The following LSAMP variants were observed in gnomAD, a reference collection of about 807,000 sequenced individuals.
LSAMP encodes limbic system-associated membrane protein.
Under a neutral mutation model 38.6 loss-of-function variants are expected in LSAMP, and 7 were observed. The observed-to-expected ratio is 0.18, with a 90% CI of 0.10 to 0.34. The LOEUF (loss-of-function observed/expected upper bound fraction) is 0.34, where lower values mean the gene tolerates loss of function less well. LSAMP is among the 10% of genes least tolerant of loss of function. LSAMP has a pLI of 1.00. For missense variants in LSAMP, 313 were observed against 420.0 expected, an observed-to-expected ratio of 0.75 and a Z score of 2.23; for synonymous variants, 154 against 166.8, an observed-to-expected ratio of 0.92 and a Z score of 0.59.
intron 3 of LSAMP, among the ~76,000 whole-genome samples, chr3:115,892,377 AAAC>A (rs1465640581): frequency 2.0e-5 from 3 of 152,042 alleles, no homozygotes; most frequent in African/African-American, 4.8e-5. Context: ...AATAGACTCT[AAAC>A]ATTGTGGTAT....
intron 1 of LSAMP, among the ~76,000 whole-genome samples, chr3:116,302,389 T>A (rs2047422099): frequency 6.6e-6 from 1 of 152,182 alleles, no homozygotes; most frequent in African/African-American, 2.4e-5. Context: ...TCTAAGCCCA[T>A]AAATTGTTGT....
In LSAMP at chr3:115,806,540, G is replaced by A. The variant is rs916270114; in HGVS notation, c.*3777C>T. The A allele has an allele frequency of 2.0e-5, 3 of 152,200 alleles. No individual in the cohort carries two copies. Among genetic ancestry groups the A allele is most frequent in the Admixed American group, 2.0e-4 (3 of 15,270 alleles). 9.4% of individuals were successfully genotyped at this position (152,200 alleles called of 1,614,324 possible). A position where few individuals can be genotyped will look rare whatever the true frequency, so the allele number is the denominator to read the frequency against. On this transcript the variant is annotated 3_prime_UTR_variant, in exon 7 of 7. Transcript: ENST00000490035. ...AGGAGTTTAGCTTTTGTGTGCAAAG[G>A]AGGTAAGTCCATTTTTGGAGGAGAA...
intron 3 of LSAMP, among the ~76,000 whole-genome samples, chr3:115,885,302 G>T (rs1936424384): frequency 6.6e-6 from 1 of 151,876 alleles, no homozygotes; most frequent in Admixed American, 6.6e-5. Flanking sequence ...TTGTGTTAAA[G>T]AATTTTAAGA....
At chr3:116,313,352 T>C (rs1028359067) in intron 1 of LSAMP, among the ~76,000 whole-genome samples, 13 of 152,170 alleles carry the variant, frequency 8.5e-5, no homozygotes, top group Non-Finnish European at 5.9e-5. Context: ...ACATTAGCAA[T>C]ACAGAGTGAC....
chr3:116,061,925 T>C (rs1295002381), intron 2 of LSAMP, among the ~76,000 whole-genome samples: 14 of 152,240 alleles, frequency 9.2e-5, no homozygotes, highest in Admixed American at 9.2e-4. Flanking sequence ...TCTATTTTAT[T>C]TGTTCTTCTT....
chr3:115,857,609 G>T (rs1935548900), intron 3 of LSAMP, among the ~76,000 whole-genome samples: 1 of 152,040 alleles, frequency 6.6e-6, no homozygotes, highest in African/African-American at 2.4e-5. Context: ...ATCGCTGAGT[G>T]TTATGTTTAT....
At chr3:116,084,955 ATG>A (rs10642967) in intron 2 of LSAMP, among the ~76,000 whole-genome samples, 1,630 of 150,130 alleles carry the variant, frequency 0.011, 24 homozygotes, top group African/African-American at 0.036. Flanking sequence ...TTATGTTTTG[ATG>A]TGTGTGTGTG....
intron 1 of LSAMP, among the ~76,000 whole-genome samples, chr3:116,441,456 T>A (rs532816184): frequency 3.3e-5 from 5 of 152,368 alleles, no homozygotes; most frequent in African/African-American, 1.2e-4. Context: ...TTTATTATTA[T>A]CTTTTCAGAA....
At chr3:115,886,967 T>G (rs1165122463) in intron 3 of LSAMP, among the ~76,000 whole-genome samples, 1 of 151,966 alleles carries the variant, frequency 6.6e-6, no homozygotes, top group East Asian at 1.9e-4. Flanking sequence ...CTTTAATTAT[T>G]TTTTAAAAAC....
chr3:115,845,146 T>G lies in LSAMP; in HGVS notation c.650-2568A>C, dbSNP rs1935113157. Among the ~76,000 whole-genome samples the G allele has an allele frequency of 2.0e-5, 3 of 152,174 alleles. No homozygotes were observed. In the South Asian group the frequency reaches 6.2e-4, roughly 32 times the overall value. Reference sequence around the variant, plus strand: ...TGGCTTGGGCATCTGGGTAATGCCATCCACTGAGATAAGATTCATAAGTAA... The same window carrying G: ...TGGCTTGGGCATCTGGGTAATGCCAGCCACTGAGATAAGATTCATAAGTAA... On this transcript the variant is annotated intron_variant, in intron 4 of 6. Coordinates refer to ENST00000490035, the MANE Select transcript of LSAMP (RefSeq NM_002338.5).
chr3:116,130,828 A>G (rs148833451), intron 1 of LSAMP, among the ~76,000 whole-genome samples: 91 of 152,218 alleles, frequency 6.0e-4, no homozygotes, highest in African/African-American at 2.0e-3. Flanking sequence ...ATATCTATAT[A>G]GATATTTTTC....
chr3:116,278,191 C>CA lies in LSAMP; in HGVS notation c.155+166685dup, dbSNP rs1163900196. Among the ~76,000 whole-genome samples, 3 of 152,066 alleles carry CA rather than the reference C, an allele frequency of 2.0e-5. No individual in the cohort carries two copies. In the East Asian group the frequency reaches 5.8e-4, roughly 29 times the overall value. ...TCAGAGCAATTCTAGCTTTGGGGAG[C>CA]AAAAAATGTCACAAACACACCCGGA... On this transcript the variant is annotated intron_variant, in intron 1 of 6. Transcript: ENST00000490035.
chr3:115,975,554 G>T (rs9826879), intron 3 of LSAMP, among the ~76,000 whole-genome samples: 2 of 152,104 alleles, frequency 1.3e-5, no homozygotes, highest in Non-Finnish European at 2.9e-5. Flanking sequence ...TCAAGAAAGC[G>T]AGAGGGGAGA....
intron 3 of LSAMP, among the ~76,000 whole-genome samples, chr3:115,860,886 G>A (rs1935657783): frequency 6.6e-6 from 1 of 152,116 alleles, no homozygotes; most frequent in Non-Finnish European, 1.5e-5. Flanking sequence ...AAATGAGGAT[G>A]GTGATGTGTG....
At chr3:116,221,739 T>C (rs1404044166) in intron 1 of LSAMP, among the ~76,000 whole-genome samples, 3 of 152,010 alleles carry the variant, frequency 2.0e-5, no homozygotes, top group Non-Finnish European at 4.4e-5. Context: ...ACTACTTCCA[T>C]CCTCACTCTC....
chr3:116,117,719 A>T (rs1384269567), intron 1 of LSAMP, among the ~76,000 whole-genome samples: 1 of 151,868 alleles, frequency 6.6e-6, no homozygotes, highest in Non-Finnish European at 1.5e-5. Flanking sequence ...TATTTGTCTA[A>T]TTTTTTTTCA....
At chr3:116,396,883 G>A (rs2048775296) in intron 1 of LSAMP, among the ~76,000 whole-genome samples, 1 of 152,104 alleles carries the variant, frequency 6.6e-6, no homozygotes, top group Admixed American at 6.5e-5. Context: ...TCATCTTTCT[G>A]TCATACTTCA....
intron 3 of LSAMP, among the ~76,000 whole-genome samples, chr3:115,957,160 G>A (rs1938479108): frequency 6.6e-6 from 1 of 152,210 alleles, no homozygotes; most frequent in Non-Finnish European, 1.5e-5. Context: ...TGATAGGCAT[G>A]AGAATCCTGG....
chr3:116,229,648 CTAAAA>C (rs749504105), intron 1 of LSAMP, among the ~76,000 whole-genome samples: 13 of 152,036 alleles, frequency 8.6e-5, no homozygotes, highest in Non-Finnish European at 1.5e-4. Flanking sequence ...AAATAGAACT[CTAAAA>C]TAAAATTTAA....
Sources: gnomAD v4.1 joint callset for allele counts (sites outside exome capture counted in the v4.1 genomes callset) on GRCh38, gnomAD v4.1.1 for gene constraint, MANE v1.5 for transcripts, NCBI Gene and HGNC (gene_info 2026-07-23, HGNC 2026-07-21) for gene names.